Variants in LYPD6 observed in about 807,000 individuals in gnomAD.
The protein encoded by LYPD6 is ly6/PLAUR domain-containing protein 6.
In LYPD6, 15 loss-of-function variants were observed where a neutral mutation model predicts 22.7. That is an observed-to-expected ratio of 0.66 (90% CI 0.44 to 1.02). LYPD6 has a LOEUF of 1.02. LYPD6 is among the 50% of genes least tolerant of loss of function. The pLI, the probability that LYPD6 is intolerant of heterozygous loss-of-function variation, is 0.00. For missense variants in LYPD6, 189 were observed against 208.4 expected (o/e 0.91, Z 0.57); for synonymous variants, 72 against 77.5 (o/e 0.93, Z 0.37).
At chr2:149,426,538 A>T (rs1683191927) in intron 1 of LYPD6, among the ~76,000 whole-genome samples, 1 of 152,158 alleles carries the variant, frequency 6.6e-6, no homozygotes, top group Non-Finnish European at 1.5e-5. Context: ...GTAGAAAGAA[A>T]GGGCATGATT....
intron 3 of LYPD6, among the ~76,000 whole-genome samples, chr2:149,462,859 A>G (rs1454461778): frequency 6.6e-6 from 1 of 152,088 alleles, no homozygotes; most frequent in Admixed American, 6.6e-5. Context: ...CAAAAAATGA[A>G]TCTCAGCCTA....
intron 1 of LYPD6, among the ~76,000 whole-genome samples, chr2:149,372,631 A>T (rs1371055512): frequency 6.6e-6 from 1 of 152,212 alleles, no homozygotes; most frequent in Non-Finnish European, 1.5e-5. Context: ...CATTCAAAGA[A>T]TTTGGTTTAG....
intron 3 of LYPD6, chr2:149,464,203 G>A (rs1258455330): frequency 2.7e-6 from 1 of 375,928 alleles, no homozygotes; most frequent in African/African-American, 2.2e-5. Context: ...TCCCAAATGA[G>A]AAAGTTAAGA....
chr2:149,384,481 G>T (rs1287800584), intron 1 of LYPD6, among the ~76,000 whole-genome samples: 3 of 152,154 alleles, frequency 2.0e-5, no homozygotes, highest in Non-Finnish European at 2.9e-5. Flanking sequence ...TCCATCATCT[G>T]CTTTGTTCCT....
intron 1 of LYPD6, among the ~76,000 whole-genome samples, chr2:149,345,199 G>T (rs908625428): frequency 7.9e-5 from 12 of 152,174 alleles, no homozygotes; most frequent in African/African-American, 2.9e-4. Context: ...TTCTCTGAAA[G>T]TAAAATGATC....
chr2:149,388,635 A>G (rs1682241769), intron 1 of LYPD6, among the ~76,000 whole-genome samples: 1 of 152,044 alleles, frequency 6.6e-6, no homozygotes, highest in African/African-American at 2.4e-5. Context: ...AGGAGCTGGG[A>G]AGGTGGGGGT....
chr2:149,409,493 G>T (rs187513432), intron 1 of LYPD6, among the ~76,000 whole-genome samples: 1 of 152,192 alleles, frequency 6.6e-6, no homozygotes, highest in African/African-American at 2.4e-5. Flanking sequence ...CAGGTGGTGA[G>T]CAGGGCCATA....
intron 3 of LYPD6, among the ~76,000 whole-genome samples, chr2:149,465,149 A>T (rs181764108): frequency 6.6e-6 from 1 of 152,304 alleles, no homozygotes; most frequent in South Asian, 2.1e-4. Context: ...CATATTAGGG[A>T]AAGTGTTGAA....
rs115033782 is a variant in LYPD6 at position 149,387,510 on chromosome 2, G to C, written c.-71-50128G>C. Among the ~76,000 whole-genome samples, 174 of 152,260 alleles carry C rather than the reference G, an allele frequency of 1.1e-3. 1 individual carries two copies. Among genetic ancestry groups the C allele is most frequent in the Non-Finnish European group, 2.3e-3 (156 of 68,022 alleles). On this transcript the variant is annotated intron_variant, in intron 1 of 4. Transcript: ENST00000334166. ...ATATGTACCTAAGATTTACTTCATG[G>C]GAAGTGCTGTGTTAGATGCTAGTGA...
chr2:149,331,579 C>T (rs1354249622), intron 1 of LYPD6, among the ~76,000 whole-genome samples: 1 of 151,852 alleles, frequency 6.6e-6, no homozygotes, highest in Non-Finnish European at 1.5e-5. Context: ...TCAAGTGTCA[C>T]AATCACATCC....
intron 1 of LYPD6, among the ~76,000 whole-genome samples, chr2:149,390,355 C>T (rs1344913673): frequency 6.6e-6 from 1 of 152,182 alleles, no homozygotes; most frequent in Non-Finnish European, 1.5e-5. Context: ...GGAGACCCTC[C>T]TACATGCTGT....
At chr2:149,485,163 A>G in the LYPD6 span, among the ~76,000 whole-genome samples, 1 of 152,274 alleles carries the variant, frequency 6.6e-6, no homozygotes, top group East Asian at 1.9e-4. Flanking sequence ...AGAGGAATGA[A>G]ATGTTTACAT....
At chr2:149,368,627 T>C (rs138089861) in intron 1 of LYPD6, among the ~76,000 whole-genome samples, 120 of 152,304 alleles carry the variant, frequency 7.9e-4, no homozygotes, top group African/African-American at 2.8e-3. Context: ...TTTTGGACTT[T>C]ACCTTAAAGG....
At chr2:149,438,520 C>A (rs549231818) in intron 2 of LYPD6, among the ~76,000 whole-genome samples, 1 of 152,336 alleles carries the variant, frequency 6.6e-6, no homozygotes, top group East Asian at 1.9e-4. Context: ...TGTATTGCCC[C>A]TGTTGAGGTG....
chr2:149,478,448 G>A (rs1406706933), downstream of LYPD6, among the ~76,000 whole-genome samples: 1 of 151,654 alleles, frequency 6.6e-6, no homozygotes, highest in East Asian at 1.9e-4. Context: ...TTTAGAGACA[G>A]GGTCTCACTC....
Position 149,474,069 on chromosome 2 carries a change from A to G in LYPD6, c.*3219A>G, listed in dbSNP as rs981296833. On this transcript the variant is annotated 3_prime_UTR_variant, in exon 5 of 5. Transcript: ENST00000334166. ...CAGGAAACAGATATTGGAATAGTGT[A>G]CATGTCATTTTTATCTATACAATGA... 3 of 152,214 alleles carry G rather than the reference A, an allele frequency of 2.0e-5. No individual in the cohort carries two copies. Among genetic ancestry groups the G allele is most frequent in the African/African-American group, 7.2e-5 (3 of 41,458 alleles). 9.4% of individuals were successfully genotyped at this position (152,214 alleles called of 1,614,324 possible). A position where few individuals can be genotyped will look rare whatever the true frequency, so the allele number is the denominator to read the frequency against.
chr2:149,474,490 G>A (rs1187515426), downstream of LYPD6, among the ~76,000 whole-genome samples: 1 of 151,892 alleles, frequency 6.6e-6, no homozygotes, highest in African/African-American at 2.4e-5. Flanking sequence ...TTATAGGTGT[G>A]AGCCACTGCA....
intron 2 of LYPD6, among the ~76,000 whole-genome samples, chr2:149,442,389 A>G (rs1251010310): frequency 6.6e-6 from 1 of 152,176 alleles, no homozygotes; most frequent in Admixed American, 6.5e-5. Flanking sequence ...ATGAGAGTTA[A>G]TGGACAGATT....
chr2:149,377,167 G>C (rs1478371896), intron 1 of LYPD6, among the ~76,000 whole-genome samples: 1 of 151,602 alleles, frequency 6.6e-6, no homozygotes, highest in Non-Finnish European at 1.5e-5. Context: ...GTGGTTTTTT[G>C]TGGTGAAGTA....
Sources: gnomAD v4.1 joint callset for allele counts (sites outside exome capture counted in the v4.1 genomes callset) on GRCh38, gnomAD v4.1.1 for gene constraint, MANE v1.5 for transcripts, NCBI Gene and HGNC (gene_info 2026-07-23, HGNC 2026-07-21) for gene names.